Variants in CDKL3 observed in about 807,000 individuals in gnomAD.
CDKL3 encodes the protein cyclin dependent kinase like 3, also known as cyclin-dependent kinase-like 3.
A neutral mutation model predicts 69.3 loss-of-function variants in CDKL3; 65 were observed. That is an observed-to-expected ratio of 0.94 (90% CI 0.77 to 1.15). The LOEUF is 1.15. CDKL3 is among the 50% of genes most tolerant of loss of function. CDKL3 has a pLI of 0.00. For missense variants in CDKL3, 652 were observed against 689.2 expected, an observed-to-expected ratio of 0.95 and a Z score of 0.61; for synonymous variants, 202 against 221.6, an observed-to-expected ratio of 0.91 and a Z score of 0.79.
intron 2 of CDKL3, among the ~76,000 whole-genome samples, chr5:134,363,993 G>T (rs1243525912): frequency 6.8e-6 from 1 of 146,336 alleles, no homozygotes; most frequent in African/African-American, 2.6e-5. Flanking sequence ...GAGAAAGAAG[G>T]CAAATTGATC....
At chr5:134,291,070 G>A (rs1262915386) in intron 8 of CDKL3, among the ~76,000 whole-genome samples, 1 of 152,154 alleles carries the variant, frequency 6.6e-6, no homozygotes. Context: ...AAAGAGAGGA[G>A]TTGAGGATTA....
chr5:134,311,987 G>C (rs1769660375), intron 7 of CDKL3, among the ~76,000 whole-genome samples: 1 of 151,900 alleles, frequency 6.6e-6, no homozygotes, highest in African/African-American at 2.4e-5. Flanking sequence ...TAGAGACAGG[G>C]GTCTCTCTAT....
intron 3 of CDKL3, among the ~76,000 whole-genome samples, chr5:134,353,485 T>C (rs1753797848): frequency 6.6e-6 from 1 of 152,050 alleles, no homozygotes; most frequent in Non-Finnish European, 1.5e-5. Flanking sequence ...TTCACATTCG[T>C]GCTCTCCAAT....
At chr5:134,296,813 A>ACACACG (rs1554074948), downstream of CDKL3, among the ~76,000 whole-genome samples, 4 of 151,326 alleles carry the variant, frequency 2.6e-5, no homozygotes, top group African/African-American at 9.7e-5. Context: ...ACACACACAC[A>ACACACG]CACGCACGCA....
At chr5:134,364,918 T>C (rs1389711151) in intron 2 of CDKL3, among the ~76,000 whole-genome samples, 2 of 151,718 alleles carry the variant, frequency 1.3e-5, no homozygotes, top group Non-Finnish European at 2.9e-5. Flanking sequence ...GCGATTGTCG[T>C]GCCTCAGCCT....
intron 4 of CDKL3, among the ~76,000 whole-genome samples, chr5:134,333,911 T>C (rs781470186): frequency 6.6e-6 from 1 of 152,234 alleles, no homozygotes; most frequent in Non-Finnish European, 1.5e-5. Context: ...GTACCTCTGG[T>C]AGAATTTGGC....
At chr5:134,338,881 C>T (rs576511164) in intron 4 of CDKL3, among the ~76,000 whole-genome samples, 26 of 151,718 alleles carry the variant, frequency 1.7e-4, no homozygotes, top group Middle Eastern at 3.4e-3. Context: ...GGGTCGGGCA[C>T]GGTGGCTCAC....
intron 3 of CDKL3, among the ~76,000 whole-genome samples, chr5:134,354,713 CTGAGGCAGGTGGATCA>C (rs2149618745): frequency 6.6e-6 from 1 of 152,282 alleles, no homozygotes; most frequent in South Asian, 2.1e-4. Flanking sequence ...CTTGGGAAGG[CTGAGGCAGGTGGATCA>C]TGAGGTCAGG....
chr5:134,314,421 A>G (rs1383477341), intron 6 of CDKL3, among the ~76,000 whole-genome samples: 2 of 152,192 alleles, frequency 1.3e-5, no homozygotes, highest in East Asian at 3.8e-4. Flanking sequence ...ATGCCTACCC[A>G]TGACCCAGCC....
intron 6 of CDKL3, among the ~76,000 whole-genome samples, chr5:134,313,361 C>T (rs1414455882): frequency 1.3e-5 from 2 of 152,200 alleles, no homozygotes; most frequent in Non-Finnish European, 2.9e-5. Flanking sequence ...AGACTACAGA[C>T]ACATGCCACC....
At chr5:134,348,932 T>C (rs553266994) in intron 4 of CDKL3, among the ~76,000 whole-genome samples, 1 of 152,308 alleles carries the variant, frequency 6.6e-6, no homozygotes, top group African/African-American at 2.4e-5. Context: ...ACAGAGACAG[T>C]CTGTACAGGG....
chr5:134,287,572 T>C (rs906471668), intron 8 of CDKL3, among the ~76,000 whole-genome samples: 18 of 152,196 alleles, frequency 1.2e-4, no homozygotes, highest in Non-Finnish European at 4.4e-5. Flanking sequence ...ACCTAGCCAA[T>C]TGATTGCCAA....
At chr5:134,295,457 T>C (rs146183549), downstream of CDKL3, among the ~76,000 whole-genome samples, 33 of 152,276 alleles carry the variant, frequency 2.2e-4, no homozygotes, top group East Asian at 6.2e-3. Flanking sequence ...AACAAATATA[T>C]GAATACAACA....
intron 4 of CDKL3, among the ~76,000 whole-genome samples, chr5:134,344,962 G>C (rs1273179938): frequency 1.3e-5 from 2 of 152,156 alleles, no homozygotes; most frequent in East Asian, 3.9e-4. Flanking sequence ...CTACTCAGGA[G>C]GCTGAGGCAG....
chr5:134,306,562 G>C (rs1019371791), intron 10 of CDKL3, 47 bp downstream of exon 10: 1 of 1,074,134 alleles, frequency 9.3e-7, no homozygotes, highest in Admixed American at 2.0e-5. Flanking sequence ...GAAAAAAGAA[G>C]TAATGTTAAA....
upstream of CDKL3, among the ~76,000 whole-genome samples, chr5:134,369,489 G>A (rs1200735948): frequency 2.0e-5 from 3 of 152,120 alleles, no homozygotes; most frequent in Admixed American, 6.6e-5. Context: ...GAACCAGAAA[G>A]GGTTAACTTT....
downstream of CDKL3, among the ~76,000 whole-genome samples, chr5:134,296,694 T>C (rs1174828111): frequency 6.6e-6 from 1 of 151,776 alleles, no homozygotes; most frequent in Non-Finnish European, 1.5e-5. Flanking sequence ...ATGCTTGTAA[T>C]CCCAAAACTT....
At chr5:134,347,856 C>T (rs1752326283) in intron 4 of CDKL3, among the ~76,000 whole-genome samples, 2 of 152,190 alleles carry the variant, frequency 1.3e-5, no homozygotes, top group Non-Finnish European at 2.9e-5. Flanking sequence ...AGGAGTTTAT[C>T]TAGGCCTGGA....
At chr5:134,321,670 T>C in intron 5 of CDKL3, 121 bp downstream of exon 5, 1 of 585,560 alleles carries the variant, frequency 1.7e-6, no homozygotes, top group Non-Finnish European at 3.1e-6. Context: ...TCTGCTGCCA[T>C]CTATCAAAAC....
Sources: gnomAD v4.1 joint callset for allele counts (sites outside exome capture counted in the v4.1 genomes callset) on GRCh38, gnomAD v4.1.1 for gene constraint, MANE v1.5 for transcripts, NCBI Gene and HGNC (gene_info 2026-07-23, HGNC 2026-07-21) for gene names.